Variants in PDE4D observed in about 807,000 individuals in gnomAD.
PDE4D encodes the protein phosphodiesterase 4D, also known as 3',5'-cyclic-AMP phosphodiesterase 4D.
Under a neutral mutation model 87.4 loss-of-function variants are expected in PDE4D, and 24 were observed. The ratio of observed to expected loss-of-function variants is 0.27; its 90% CI spans 0.20 to 0.39. The LOEUF (loss-of-function observed/expected upper bound fraction) is 0.39, where lower values mean the gene tolerates loss of function less well. Ranked by LOEUF, PDE4D falls within the 10% of genes least tolerant of loss-of-function variation. The pLI is 1.00. For synonymous variants in PDE4D, 384 were observed against 383.2 expected (o/e 1.00, Z -0.02); for missense variants, 714 against 1,041.0 (o/e 0.69, Z 4.32).
intron 1 of PDE4D, among the ~76,000 whole-genome samples, chr5:59,488,722 C>G (rs1395065651): frequency 6.7e-6 from 1 of 148,384 alleles, no homozygotes; most frequent in African/African-American, 2.5e-5. Flanking sequence ...TTTCCAAGTA[C>G]AGTTGGAATA....
At chr5:60,172,397 C>T (rs553049038) in intron 2 of PDE4D, among the ~76,000 whole-genome samples, 1 of 151,896 alleles carries the variant, frequency 6.6e-6, no homozygotes, top group East Asian at 1.9e-4. Flanking sequence ...GAGCCCTTCC[C>T]AGTATTTCTG....
chr5:59,808,505 A>C (rs187416290), intron 1 of PDE4D, among the ~76,000 whole-genome samples: 250 of 152,288 alleles, frequency 1.6e-3, no homozygotes, highest in African/African-American at 5.7e-3. Flanking sequence ...CCAGCAGTAC[A>C]TTGAGATCAC....
At chr5:59,215,206 G>T (rs1403219773) in intron 2 of PDE4D, among the ~76,000 whole-genome samples, 1 of 152,138 alleles carries the variant, frequency 6.6e-6, no homozygotes, top group African/African-American at 2.4e-5. Flanking sequence ...TATCTTAAAT[G>T]ATATTCAAGT....
chr5:59,370,845 G>T (rs913238269), intron 1 of PDE4D, among the ~76,000 whole-genome samples: 1 of 152,080 alleles, frequency 6.6e-6, no homozygotes, highest in African/African-American at 2.4e-5. Context: ...ACACTTAAAC[G>T]TTATGATTGA....
intron 1 of PDE4D, among the ~76,000 whole-genome samples, chr5:59,261,010 A>G (rs1488305385): frequency 6.6e-6 from 1 of 151,584 alleles, no homozygotes; most frequent in Admixed American, 6.6e-5. Context: ...AACTAGCCAT[A>G]TAGAACTGGA....
At chr5:59,757,843 T>A (rs1272424969) in intron 1 of PDE4D, among the ~76,000 whole-genome samples, 1 of 152,188 alleles carries the variant, frequency 6.6e-6, no homozygotes, top group Non-Finnish European at 1.5e-5. Flanking sequence ...ATGTTCTCCA[T>A]TGACCCCTTT....
chr5:59,135,162 G>T (rs1776856812), intron 5 of PDE4D, among the ~76,000 whole-genome samples: 1 of 152,186 alleles, frequency 6.6e-6, no homozygotes. Flanking sequence ...GGAAGGATGT[G>T]CCCTTACTCT....
chr5:60,419,565 T>G (rs1285268722), intron 1 of PDE4D, among the ~76,000 whole-genome samples: 1 of 151,724 alleles, frequency 6.6e-6, no homozygotes, highest in Non-Finnish European at 1.5e-5. Context: ...TTCTATAGCC[T>G]TTGAATTTTA....
intron 1 of PDE4D, among the ~76,000 whole-genome samples, chr5:59,444,092 T>C (rs1466571591): frequency 6.6e-6 from 1 of 152,216 alleles, no homozygotes; most frequent in African/African-American, 2.4e-5. Flanking sequence ...CAGGGAACTA[T>C]AATTTTAGCG....
intron 1 of PDE4D, among the ~76,000 whole-genome samples, chr5:59,551,265 G>A (rs1327528020): frequency 2.0e-5 from 3 of 149,302 alleles, no homozygotes; most frequent in Non-Finnish European, 3.0e-5. Context: ...CTTTTTAGTT[G>A]TTACATTAAT....
intron 1 of PDE4D, among the ~76,000 whole-genome samples, chr5:59,821,331 T>G (rs984333688): frequency 3.3e-5 from 5 of 152,122 alleles, no homozygotes. Context: ...AAGAGGAAGA[T>G]TACAAGATTA....
chr5:60,186,242 T>G (rs775821922), intron 1 of PDE4D, among the ~76,000 whole-genome samples: 5 of 152,196 alleles, frequency 3.3e-5, no homozygotes, highest in Non-Finnish European at 7.4e-5. Flanking sequence ...TCTTAGTGGT[T>G]GTAAGGAATA....
At chr5:59,802,545 C>T (rs2152667623) in intron 1 of PDE4D, among the ~76,000 whole-genome samples, 1 of 151,870 alleles carries the variant, frequency 6.6e-6, no homozygotes, top group East Asian at 1.9e-4. Flanking sequence ...ATTACAGGTG[C>T]AAACCACCAC....
At chr5:60,353,738 ATAGTT>A (rs1295189031) in intron 1 of PDE4D, among the ~76,000 whole-genome samples, 25 of 152,302 alleles carry the variant, frequency 1.6e-4, no homozygotes, top group African/African-American at 6.0e-4. Flanking sequence ...ATATCACAGA[ATAGTT>A]TACTTTTAAT....
At chr5:59,321,708 T>G (rs1481085176) in intron 1 of PDE4D, among the ~76,000 whole-genome samples, 1 of 152,104 alleles carries the variant, frequency 6.6e-6, no homozygotes, top group Non-Finnish European at 1.5e-5. Context: ...CACTGGTCAC[T>G]GCTAGCAGCA....
chr5:59,147,934 G>T (rs112747130), intron 5 of PDE4D, among the ~76,000 whole-genome samples: 1 of 152,128 alleles, frequency 6.6e-6, no homozygotes, highest in Admixed American at 6.5e-5. Context: ...AACCAGTTAC[G>T]AATATCTCCT....
chr5:60,475,167 C>T (rs922995739), intron 1 of PDE4D, among the ~76,000 whole-genome samples: 1 of 151,974 alleles, frequency 6.6e-6, no homozygotes, highest in African/African-American at 2.4e-5. Flanking sequence ...CCCTAAGCAC[C>T]CTGTCTTTCT....
chr5:59,608,156 T>C (rs1343631131), intron 1 of PDE4D, among the ~76,000 whole-genome samples: 1 of 152,148 alleles, frequency 6.6e-6, no homozygotes, highest in Non-Finnish European at 1.5e-5. Context: ...ATTTCTCCTT[T>C]AACACGTTTC....
chr5:59,632,342 T>A (rs1386929767), intron 1 of PDE4D, among the ~76,000 whole-genome samples: 1 of 152,224 alleles, frequency 6.6e-6, no homozygotes, highest in Non-Finnish European at 1.5e-5. Flanking sequence ...TGTTCCTGCC[T>A]GCCAGCTCTG....
Sources: allele counts gnomAD v4.1 joint callset (sites outside exome capture counted in the v4.1 genomes callset), GRCh38; gene constraint gnomAD v4.1.1; transcripts MANE v1.5; gene names NCBI Gene and HGNC (gene_info 2026-07-23, HGNC 2026-07-21).